The following WDR20 variants were observed in gnomAD, a reference collection of about 807,000 sequenced individuals.
The protein encoded by WDR20 is WD repeat domain 20, also known as WD repeat-containing protein 20.
In WDR20, 3 loss-of-function variants were observed where a neutral mutation model predicts 38.7. The observed-to-expected ratio is 0.08, with a 90% CI of 0.04 to 0.20. The LOEUF is 0.20. Among genes scored for constraint, WDR20 ranks in the 10% least tolerant of loss-of-function variants. WDR20 has a pLI of 1.00. For synonymous variants in WDR20, 298 were observed against 285.6 expected (o/e 1.04, Z -0.44); for missense variants, 559 against 727.7 (o/e 0.77, Z 2.67).
At chr14:102,148,227 T>TA (rs1422515791) in intron 1 of WDR20, among the ~76,000 whole-genome samples, 1 of 152,222 alleles carries the variant, frequency 6.6e-6, no homozygotes, top group Non-Finnish European at 1.5e-5. Context: ...ACTTCAGTTT[T>TA]AATTTTCAGG....
chr14:102,199,454 ATAAT>A (rs370273676), intron 2 of WDR20, among the ~76,000 whole-genome samples: 13 of 152,048 alleles, frequency 8.5e-5, no homozygotes, highest in African/African-American at 2.9e-4. Flanking sequence ...TGAAATACAA[ATAAT>A]TAATTTTTTA....
chr14:102,189,648 G>A (rs891151966), intron 1 of WDR20, among the ~76,000 whole-genome samples: 6 of 152,032 alleles, frequency 3.9e-5, no homozygotes, highest in Non-Finnish European at 5.9e-5. Flanking sequence ...AAAAACTTAC[G>A]GTGAAGAACT....
At chr14:102,148,986 C>A (rs924126715) in intron 1 of WDR20, among the ~76,000 whole-genome samples, 1 of 152,140 alleles carries the variant, frequency 6.6e-6, no homozygotes, top group Non-Finnish European at 1.5e-5. Context: ...ACAGCGACAC[C>A]CCCTCTCTAC....
Position 102,221,366 on chromosome 14 carries a change from T to A in WDR20, c.1693-1464T>A, listed in dbSNP as rs1396573764. The stretch of plus-strand genomic sequence containing the variant: ...ACATAGCTTGTGGAAAGCACTTTCT[T>A]AGGGTGCGCGTGGTGATGAAGGCAG... On this transcript the variant is annotated intron_variant, in intron 3 of 3. Transcript: ENST00000335263. The surrounding 1 kb of genome is among the most constrained non-coding windows in gnomAD (Gnocchi z 4.8). 6.6e-6 allele frequency among the ~76,000 whole-genome samples: 1 copy of A among 152,202 alleles called. No individual in the cohort carries two copies. Among genetic ancestry groups the A allele is most frequent in the Non-Finnish European group, 1.5e-5 (1 of 68,046 alleles).
chr14:102,206,616 G>A (rs751643073), intron 2 of WDR20, among the ~76,000 whole-genome samples: 1 of 152,224 alleles, frequency 6.6e-6, no homozygotes, highest in Non-Finnish European at 1.5e-5. Context: ...CAGGAATTGG[G>A]AGCCACTGTA....
downstream of WDR20, among the ~76,000 whole-genome samples, chr14:102,217,095 G>C (rs970572865): frequency 6.6e-6 from 1 of 152,124 alleles, no homozygotes; most frequent in Non-Finnish European, 1.5e-5. Flanking sequence ...CCTTTTAGGT[G>C]GGGGGCAGCA....
chr14:102,187,687 C>T (rs1490087028), intron 1 of WDR20, among the ~76,000 whole-genome samples: 1 of 151,846 alleles, frequency 6.6e-6, no homozygotes, highest in African/African-American at 2.4e-5. Flanking sequence ...GAGTGTAGGG[C>T]GAATTGCATG....
chr14:102,223,023 C>G, exon 4 of WDR20: 1 of 984,658 alleles, frequency 1.0e-6, no homozygotes, highest in Non-Finnish European at 1.5e-6. Context: ...GGACGGTGAC[C>G]GGCTCACTCT....
chr14:102,156,562 T>A (rs1009131783), intron 1 of WDR20, among the ~76,000 whole-genome samples: 1 of 152,088 alleles, frequency 6.6e-6, no homozygotes, highest in Non-Finnish European at 1.5e-5. Flanking sequence ...TAGAATTTTT[T>A]TTTTTTGGAA....
In WDR20 at chr14:102,208,040, G is replaced by A. The variant is rs2061875752; in HGVS notation, c.433-563G>A. Among the ~76,000 whole-genome samples, 1 of 152,172 alleles carries A rather than the reference G, an allele frequency of 6.6e-6. No individual in the cohort carries two copies. The highest frequency in any genetic ancestry group is 2.4e-5 in the African/African-American group (1 of 41,434). ...CCCAGGCTCTGTTTTGGAGTTGTGT[G>A]TGCTGCCAGCCATGGACTGTGGATT... On this transcript the variant is annotated intron_variant, in intron 2 of 2. Transcript: ENST00000342702. The surrounding 1 kb of genome is among the most constrained non-coding windows in gnomAD (Gnocchi z 5.6).
At position 102,222,786 on chromosome 14, in the gene WDR20, C is replaced by G; in HGVS notation, c.1693-44C>G. On this transcript the variant is annotated intron_variant, in intron 3 of 3. Coordinates refer to the WDR20 transcript ENST00000335263. This position sits in a 1 kb window ranked among gnomAD's most constrained non-coding sequence, Gnocchi z 4.4. ...GAGGGCGCGCATGGTGGCTGTTGCCCGTCCGGTGTTTTGCTGGATTAATGT... is the reference window on the plus strand; with the variant it reads ...GAGGGCGCGCATGGTGGCTGTTGCCGGTCCGGTGTTTTGCTGGATTAATGT... 2 of 1,612,338 alleles carry G rather than the reference C, an allele frequency of 1.2e-6. No homozygotes were observed. The highest frequency in any genetic ancestry group is 2.2e-5 in the East Asian group (1 of 44,874).
At chr14:102,180,308 G>C (rs548247751) in intron 1 of WDR20, among the ~76,000 whole-genome samples, 1 of 152,276 alleles carries the variant, frequency 6.6e-6, no homozygotes, top group South Asian at 2.1e-4. Context: ...TGTGGAAGTG[G>C]TGGTATATAA....
intron 1 of WDR20, among the ~76,000 whole-genome samples, chr14:102,179,287 A>T (rs968338023): frequency 6.6e-6 from 1 of 152,032 alleles, no homozygotes; most frequent in African/African-American, 2.4e-5. Context: ...CTTTGAGATC[A>T]TATTCTAACC....
At chr14:102,156,171 C>CT (rs771377694) in intron 1 of WDR20, among the ~76,000 whole-genome samples, 2,267 of 138,536 alleles carry the variant, frequency 0.016, 17 homozygotes, top group Middle Eastern at 0.023. Flanking sequence ...ACCATTAGAT[C>CT]TTTTTTTTTT....
At chr14:102,149,560 C>G (rs1355360219) in intron 1 of WDR20, among the ~76,000 whole-genome samples, 1 of 152,158 alleles carries the variant, frequency 6.6e-6, no homozygotes, top group Non-Finnish European at 1.5e-5. Context: ...TTTCTAATTT[C>G]AGAAATGCTT....
At chr14:102,169,006 G>T (rs1037553714) in intron 1 of WDR20, among the ~76,000 whole-genome samples, 4 of 152,136 alleles carry the variant, frequency 2.6e-5, no homozygotes, top group African/African-American at 9.7e-5. Context: ...TTTCTATAGC[G>T]CTTAGAATAA....
chr14:102,140,234 G>A (rs1418654071), intron 1 of WDR20, 62 bp downstream of exon 1: 1 of 1,592,872 alleles, frequency 6.3e-7, no homozygotes, highest in East Asian at 2.2e-5. Context: ...GAGCAGGGCG[G>A]TGACAGTGGG....
intron 1 of WDR20, among the ~76,000 whole-genome samples, chr14:102,144,060 T>A (rs1255137892): frequency 3.3e-5 from 5 of 151,700 alleles, no homozygotes; most frequent in African/African-American, 9.7e-5. Flanking sequence ...GGTATGTGCC[T>A]GTAGTCACAG....
chr14:102,214,450 G>C, downstream of WDR20: 6 of 985,386 alleles, frequency 6.1e-6, no homozygotes, highest in African/African-American at 1.7e-5. Context: ...TCCTAGTTAC[G>C]AACTATAAGA....
Sources: gnomAD v4.1 joint callset for allele counts (sites outside exome capture counted in the v4.1 genomes callset) on GRCh38, gnomAD v4.1.1 for gene constraint, Gnocchi (gnomAD v3.1) non-coding constraint, MANE v1.5 for transcripts, NCBI Gene and HGNC (gene_info 2026-07-23, HGNC 2026-07-21) for gene names.